NDUFS4: variants seen among roughly 807,000 people sequenced by gnomAD.
NDUFS4 encodes the protein NADH dehydrogenase [ubiquinone] iron-sulfur protein 4, mitochondrial.
In NDUFS4, 28 loss-of-function variants were observed where a neutral mutation model predicts 24.3. That is an observed-to-expected ratio of 1.15 (90% confidence interval 0.85 to 1.58). The LOEUF (loss-of-function observed/expected upper bound fraction) is 1.58. NDUFS4 is among the 40% of genes most tolerant of loss of function. The probability of loss-of-function intolerance (pLI) is 0.00; values close to 1 mark genes in which losing one functional copy is unlikely to be tolerated. For synonymous variants in NDUFS4, 93 were observed against 69.7 expected (o/e 1.34, Z -1.67); for missense variants, 223 against 207.9 (o/e 1.07, Z -0.45).
rs959332324 is a variant in NDUFS4, at chr5:53,600,197, C to A, written c.99-3255C>A. 2.0e-5 allele frequency among the ~76,000 whole-genome samples: 3 copies of A among 151,380 alleles called. No homozygotes were observed. The South Asian group carries it at 6.3e-4, about 32-fold the overall frequency. On this transcript the variant is annotated intron_variant, in intron 1 of 4. Coordinates refer to ENST00000296684, the MANE Select transcript of NDUFS4 (RefSeq NM_002495.4). ...TATTTTTAGTGGAGACTGGGTTTCT[C>A]CACGTTGGTCAGGTTGGTCTGGAAC...
chr5:53,680,983 AC>A (rs1024648946), intron 4 of NDUFS4, among the ~76,000 whole-genome samples: 4 of 151,974 alleles, frequency 2.6e-5, no homozygotes, highest in African/African-American at 9.7e-5. Context: ...TCCCCTGTAT[AC>A]CCCATCTAAA....
At chr5:53,615,585 G>A (rs559587596) in intron 2 of NDUFS4, among the ~76,000 whole-genome samples, 2 of 152,116 alleles carry the variant, frequency 1.3e-5, no homozygotes, top group East Asian at 3.9e-4. Flanking sequence ...TGATATGGAA[G>A]CTTTACTGTA....
rs766885984 is a variant in NDUFS4, at chr5:53,683,273, T to C, written c.*52T>C. ...ACTGTGAATAAAGTCAGCTGTGCAG[T>C]ATTTATAGTCCATGTATAATAAATA... On this transcript the variant is annotated 3_prime_UTR_variant, in exon 5 of 5. Coordinates refer to ENST00000296684, the MANE Select transcript of NDUFS4 (RefSeq NM_002495.4). 6 of 1,232,570 alleles carry C rather than the reference T, an allele frequency of 4.9e-6. No individual in the cohort carries two copies. The South Asian group carries it at 7.2e-5, about 15-fold the overall frequency. The allele number at this position is 1,232,570 out of a possible 1,614,324, so 76.4% of individuals were successfully genotyped here.
At chr5:53,668,843 A>G (rs964088378) in intron 4 of NDUFS4, among the ~76,000 whole-genome samples, 5 of 152,126 alleles carry the variant, frequency 3.3e-5, no homozygotes, top group Admixed American at 2.6e-4. Context: ...AACAAACACT[A>G]AATCATGAGC....
In NDUFS4 at chr5:53,646,484, C is replaced by T. The variant is rs2112507762; in HGVS notation, c.350+79C>T. 13 of 1,451,968 alleles carry T rather than the reference C, an allele frequency of 9.0e-6. No individual in the cohort carries two copies. The South Asian group carries it at 1.2e-4, about 13-fold the overall frequency. The allele number at this position is 1,451,968 out of a possible 1,614,324, so 89.9% of individuals were successfully genotyped here. A position where few individuals can be genotyped will look rare whatever the true frequency, so the allele number is the denominator to read the frequency against. On this transcript the variant is annotated intron_variant, in intron 3 of 4. Coordinates refer to ENST00000296684, the MANE Select transcript of NDUFS4 (RefSeq NM_002495.4). ...CTTTCTTCTAAATATGATTTTCAAA[C>T]TCTTTTATGTACAATATGCTTATGA... is the stretch of plus-strand genomic sequence containing the variant.
Position 53,658,595 on chromosome 5 carries a change from A to G in NDUFS4, c.395A>G (p.Glu132Gly). 5 of 1,613,410 alleles carry G rather than the reference A, an allele frequency of 3.1e-6. No individual in the cohort carries two copies. Among genetic ancestry groups the G allele is most frequent in the Non-Finnish European group, 4.2e-6 (5 of 1,179,596 alleles). Reference sequence around the variant, plus strand: ...ATGGTTCTAACCTTCAGTACTAAAGAAGATGCAGTTTCCTTTGCAGAAAAA... The same window carrying G: ...ATGGTTCTAACCTTCAGTACTAAAGGAGATGCAGTTTCCTTTGCAGAAAAA... ...SNMVLTFSTK[E>G]DAVSFAEKNG... Residue 132 changes from glutamate (E) to glycine (G), a missense_variant, in exon 4 of 5, where the codon GAA becomes GGA. Transcript: ENST00000296684.
chr5:53,573,839 T>G (rs956990446), intron 1 of NDUFS4: 5 of 211,504 alleles, frequency 2.4e-5, no homozygotes, highest in African/African-American at 1.2e-4. Context: ...TGATCCTCCT[T>G]CCTCGGCCTC....
chr5:53,575,331 A>G (rs988850819), intron 1 of NDUFS4, among the ~76,000 whole-genome samples: 1 of 152,070 alleles, frequency 6.6e-6, no homozygotes, highest in Non-Finnish European at 1.5e-5. Flanking sequence ...CAGCTGCTCC[A>G]TGCATCCTTT....
chr5:53,643,028 A>T (rs1751747989), intron 2 of NDUFS4, among the ~76,000 whole-genome samples: 1 of 152,180 alleles, frequency 6.6e-6, no homozygotes. Flanking sequence ...TAATGGAAGC[A>T]TAGGTTTCAT....
intron 1 of NDUFS4, among the ~76,000 whole-genome samples, chr5:53,564,978 A>G (rs1748972195): frequency 6.6e-6 from 1 of 152,202 alleles, no homozygotes; most frequent in South Asian, 2.1e-4. Flanking sequence ...GTTATTGTTT[A>G]AAGTATTCAC....
At chr5:53,637,059 A>G (rs555692659) in intron 2 of NDUFS4, among the ~76,000 whole-genome samples, 19 of 152,348 alleles carry the variant, frequency 1.2e-4, no homozygotes, top group African/African-American at 3.6e-4. Flanking sequence ...TATGTGCAGC[A>G]TAGGCTCTTT....
intron 4 of NDUFS4, among the ~76,000 whole-genome samples, chr5:53,660,058 CACATGTAT>C (rs1752286904): frequency 1.3e-5 from 2 of 151,886 alleles, no homozygotes; most frequent in East Asian, 1.9e-4. Flanking sequence ...AGGTTTGCTA[CACATGTAT>C]ACATGTATAC....
At chr5:53,640,536 T>C (rs955649445) in intron 2 of NDUFS4, among the ~76,000 whole-genome samples, 7 of 152,252 alleles carry the variant, frequency 4.6e-5, no homozygotes, top group African/African-American at 1.7e-4. Flanking sequence ...TGAACCGACT[T>C]GTGCAGAGAT....
rs1554059248 is a variant in NDUFS4 at position 53,646,231 on chromosome 5, A to G, written c.178-2A>G. On this transcript the variant is annotated splice_acceptor_variant, in intron 2 of 4. Coordinates refer to ENST00000296684, the MANE Select transcript of NDUFS4 (RefSeq NM_002495.4). LOFTEE classifies it high-confidence loss of function. ...GTGTTTTTTTTTCTTGTTTTTCTGT[A>G]GGATATCACTACTTTAACTGGAGTT... The G allele has an allele frequency of 1.2e-6, 2 of 1,604,310 alleles. No homozygotes were observed. Among genetic ancestry groups the G allele is most frequent in the Non-Finnish European group, 8.5e-7 (1 of 1,172,134 alleles).
At chr5:53,651,774 CT>C (rs34235265) in intron 3 of NDUFS4, among the ~76,000 whole-genome samples, 74,491 of 117,716 alleles carry the variant, frequency 0.63, 22,641 homozygotes, top group African/African-American at 0.73. Flanking sequence ...TAACTTTATT[CT>C]TTTTTTTTTT....
intron 1 of NDUFS4, 75 bp from the exon 2 acceptor site, chr5:53,603,377 C>A: frequency 1.1e-6 from 1 of 877,680 alleles, no homozygotes; most frequent in Non-Finnish European, 1.8e-6. Context: ...GTTAAAGTAG[C>A]TTGTTTATGT....
At chr5:53,629,740 TTCTC>T (rs1751350109) in intron 2 of NDUFS4, among the ~76,000 whole-genome samples, 2 of 152,320 alleles carry the variant, frequency 1.3e-5, no homozygotes, top group East Asian at 1.9e-4. Context: ...TGGTAGATCT[TTCTC>T]TATCCCTTTA....
intron 4 of NDUFS4, among the ~76,000 whole-genome samples, chr5:53,678,222 G>A (rs1740536640): frequency 6.6e-6 from 1 of 152,102 alleles, no homozygotes. Flanking sequence ...ATTGGGCATG[G>A]GATGTTAAAG....
At chr5:53,573,075 T>C (rs1749268309) in intron 1 of NDUFS4, among the ~76,000 whole-genome samples, 1 of 151,286 alleles carries the variant, frequency 6.6e-6, no homozygotes, top group Non-Finnish European at 1.5e-5. Context: ...ACTCTAGCGA[T>C]TCTTTCCCAC....
Sources: allele counts gnomAD v4.1 joint callset (sites outside exome capture counted in the v4.1 genomes callset), GRCh38; gene constraint gnomAD v4.1.1; transcripts MANE v1.5; gene names NCBI Gene and HGNC (gene_info 2026-07-23, HGNC 2026-07-21).